Variants in PCSK5 observed in about 807,000 individuals in gnomAD.
The protein encoded by PCSK5 is proprotein convertase subtilisin/kexin type 5, also known as prohormone convertase 5.
Under a neutral mutation model 233.2 loss-of-function variants are expected in PCSK5, and 129 were observed. The ratio of observed to expected loss-of-function variants is 0.55; its 90% CI spans 0.48 to 0.64. The LOEUF (loss-of-function observed/expected upper bound fraction) is 0.64. PCSK5 is among the 30% of genes least tolerant of loss of function. PCSK5 has a pLI of 0.00. For missense variants in PCSK5, 2,076 were observed against 2,430.1 expected (o/e 0.85, Z 3.06); for synonymous variants, 825 against 879.2 (o/e 0.94, Z 1.09).
At position 75,899,539 on chromosome 9, in the gene PCSK5, C is replaced by T. The variant is rs550261239; in HGVS notation, c.192+8166C>T. On this transcript the variant is annotated intron_variant, in intron 1 of 37. Transcript: ENST00000674117. Reference sequence around the variant, plus strand: ...CCTTTGACCTACATCTCCCTCCTCCCTCTCCTCACCCCGGTAGTCACTGTT... The same window carrying T: ...CCTTTGACCTACATCTCCCTCCTCCTTCTCCTCACCCCGGTAGTCACTGTT... 2.0e-5 allele frequency among the ~76,000 whole-genome samples: 3 copies of T among 152,302 alleles called. No homozygotes were observed. In the East Asian group the frequency reaches 5.8e-4, roughly 29 times the overall value.
At chr9:75,899,326 G>A (rs754362593) in intron 1 of PCSK5, among the ~76,000 whole-genome samples, 2 of 152,110 alleles carry the variant, frequency 1.3e-5, no homozygotes, top group Non-Finnish European at 2.9e-5. Context: ...ATTATTACAG[G>A]TAAGCAAATT....
chr9:75,976,728 T>C (rs1465191339), intron 2 of PCSK5, among the ~76,000 whole-genome samples: 1 of 136,734 alleles, frequency 7.3e-6, no homozygotes, highest in African/African-American at 2.7e-5. Context: ...ATATTTATGT[T>C]ATTATGTTGT....
At chr9:76,334,324 T>C (rs1829617864) in intron 34 of PCSK5, among the ~76,000 whole-genome samples, 3 of 152,200 alleles carry the variant, frequency 2.0e-5, no homozygotes, top group Admixed American at 2.0e-4. Flanking sequence ...TTTATTCTTA[T>C]TTTTATATGC....
chr9:75,978,215 T>A (rs1826113978), intron 2 of PCSK5, among the ~76,000 whole-genome samples: 1 of 152,142 alleles, frequency 6.6e-6, no homozygotes, highest in Non-Finnish European at 1.5e-5. Flanking sequence ...ATTTACAAGG[T>A]AAAAATATCC....
intron 8 of PCSK5, among the ~76,000 whole-genome samples, chr9:76,098,420 G>C (rs959282130): frequency 6.6e-6 from 1 of 152,188 alleles, no homozygotes; most frequent in Non-Finnish European, 1.5e-5. Context: ...CTCCATTAGA[G>C]AAATGTTATA....
intron 9 of PCSK5, among the ~76,000 whole-genome samples, chr9:76,129,464 A>C (rs1455238502): frequency 6.6e-6 from 1 of 152,126 alleles, no homozygotes; most frequent in African/African-American, 2.4e-5. Context: ...CTTATTGATA[A>C]ATTCTCTTTC....
intron 20 of PCSK5, among the ~76,000 whole-genome samples, chr9:76,222,238 C>T (rs1190502790): frequency 6.6e-6 from 1 of 152,114 alleles, no homozygotes; most frequent in African/African-American, 2.4e-5. Context: ...CCCTTTGGAC[C>T]CATCCCCAAA....
In PCSK5 at chr9:75,920,637, T is replaced by C. The variant is rs575942704; in HGVS notation, c.193-11742T>C. Among the ~76,000 whole-genome samples the C allele has an allele frequency of 2.6e-5, 4 of 151,980 alleles. No individual in the cohort carries two copies. The East Asian group carries it at 7.8e-4, about 30-fold the overall frequency. The stretch of plus-strand genomic sequence containing the variant: ...CTGGGCAACATGACAAAACCCTGTC[T>C]CTACTAAAAATACAAAAACTAGTTG... On this transcript the variant is annotated intron_variant, in intron 1 of 37. Transcript: ENST00000674117.
chr9:76,224,701 GGCA>G (rs1825832629), intron 20 of PCSK5, among the ~76,000 whole-genome samples: 1 of 152,180 alleles, frequency 6.6e-6, no homozygotes, highest in Admixed American at 6.5e-5. Context: ...TTATATCTAA[GGCA>G]GCACATTGTG....
chr9:76,300,757 C>T (rs1421558924), intron 27 of PCSK5, among the ~76,000 whole-genome samples: 1 of 152,198 alleles, frequency 6.6e-6, no homozygotes, highest in Non-Finnish European at 1.5e-5. Context: ...CAGTGAGTTA[C>T]TCATCCTCTC....
At chr9:76,034,295 C>T (rs1334455256) in intron 5 of PCSK5, among the ~76,000 whole-genome samples, 1 of 152,088 alleles carries the variant, frequency 6.6e-6, no homozygotes, top group Non-Finnish European at 1.5e-5. Flanking sequence ...TATGTTTATT[C>T]CCCTTCTCTT....
At chr9:76,178,900 T>C (rs944730532) in intron 14 of PCSK5, among the ~76,000 whole-genome samples, 2 of 152,216 alleles carry the variant, frequency 1.3e-5, no homozygotes, top group South Asian at 4.1e-4. Flanking sequence ...TTCATTATCT[T>C]CAGTTCTATA....
chr9:76,317,744 G>A (rs890746738), intron 30 of PCSK5, among the ~76,000 whole-genome samples: 10 of 152,188 alleles, frequency 6.6e-5, no homozygotes, highest in Non-Finnish European at 1.2e-4. Flanking sequence ...AAAGGTGGAG[G>A]CATAAAATGT....
At chr9:76,347,045 C>A (rs1829998698) in intron 35 of PCSK5, among the ~76,000 whole-genome samples, 1 of 151,380 alleles carries the variant, frequency 6.6e-6, no homozygotes, top group Admixed American at 6.6e-5. Flanking sequence ...TAACTTTTTA[C>A]TTATCCTCTG....
chr9:76,239,034 A>G lies in PCSK5; in HGVS notation c.2942A>G (p.Glu981Gly). 1 of 1,612,064 alleles carries G rather than the reference A, an allele frequency of 6.2e-7. No homozygotes were observed. Among genetic ancestry groups the G allele is most frequent in the Non-Finnish European group, 8.5e-7 (1 of 1,179,604 alleles). The change falls in exon 23 of 38, where the codon GAG becomes GGG. Residue 981 changes from glutamate (E) to glycine (G), a missense_variant. By Grantham distance (98) the Glu-to-Gly change is moderately conservative. Coordinates refer to ENST00000674117, the MANE Select transcript of PCSK5 (RefSeq NM_001372043.1). Reference protein sequence around the residue: ...DSCPEGHYATEGNTCLPCPDN... With the variant: ...DSCPEGHYATGGNTCLPCPDN... ...TGCCCAGAGGGCCACTATGCCACTG[A>G]GGGGAACACCTGCCTGCCCTGCCCA...
At chr9:76,270,772 T>G (rs1465330881) in intron 24 of PCSK5, among the ~76,000 whole-genome samples, 1 of 152,138 alleles carries the variant, frequency 6.6e-6, no homozygotes, top group Admixed American at 6.5e-5. Flanking sequence ...TGTAATATGG[T>G]CTTTTAAAGT....
chr9:75,988,508 C>G (rs922182438), intron 3 of PCSK5, among the ~76,000 whole-genome samples: 2 of 152,046 alleles, frequency 1.3e-5, no homozygotes, highest in African/African-American at 4.8e-5. Context: ...TCTCGACCTC[C>G]TGGACTCAAG....
At chr9:76,034,373 C>G (rs993533611) in intron 5 of PCSK5, among the ~76,000 whole-genome samples, 7 of 152,302 alleles carry the variant, frequency 4.6e-5, no homozygotes, top group African/African-American at 1.7e-4. Flanking sequence ...ATCCTGCTCC[C>G]TGAGTGATAT....
chr9:76,164,187 G>T (rs1016266170), intron 12 of PCSK5, among the ~76,000 whole-genome samples: 3 of 152,124 alleles, frequency 2.0e-5, no homozygotes, highest in African/African-American at 7.2e-5. Context: ...GTATATAAAT[G>T]CATCTGTGGG....
Sources: gnomAD v4.1 joint callset for allele counts (sites outside exome capture counted in the v4.1 genomes callset) on GRCh38, gnomAD v4.1.1 for gene constraint, MANE v1.5 for transcripts, NCBI Gene and HGNC (gene_info 2026-07-23, HGNC 2026-07-21) for gene names.